Variants in MTHFS observed in about 807,000 individuals in gnomAD.
MTHFS encodes methenyltetrahydrofolate synthetase, also known as 5-formyltetrahydrofolate cyclo-ligase.
A neutral mutation model predicts 12.7 loss-of-function variants in MTHFS; 7 were observed. The ratio of observed to expected loss-of-function variants is 0.55; its 90% CI spans 0.31 to 1.03. The LOEUF (loss-of-function observed/expected upper bound fraction) is 1.03, where lower values mean the gene tolerates loss of function less well. MTHFS is among the 50% of genes least tolerant of loss of function. MTHFS has a pLI of 0.05. For synonymous variants in MTHFS, 100 were observed against 97.1 expected (o/e 1.03, Z -0.18); for missense variants, 252 against 258.1 (o/e 0.98, Z 0.16).
intron 2 of MTHFS, among the ~76,000 whole-genome samples, chr15:79,856,610 G>A (rs1257976395): frequency 6.6e-6 from 1 of 152,150 alleles, no homozygotes; most frequent in Non-Finnish European, 1.5e-5. Context: ...AGAGGCTGAA[G>A]AAAGGGGGGA....
intron 1 of MTHFS, among the ~76,000 whole-genome samples, chr15:79,889,783 T>C (rs2034443381): frequency 6.6e-6 from 1 of 152,188 alleles, no homozygotes; most frequent in South Asian, 2.1e-4. Flanking sequence ...GTCAGGCTTC[T>C]CTCTCCTCCC....
chr15:79,878,102 A>G (rs1596076264), intron 2 of MTHFS: 1 of 152,274 alleles, frequency 6.6e-6, no homozygotes, highest in Non-Finnish European at 1.5e-5. Context: ...GAAGGTAAAC[A>G]CAAAAGACTG....
At position 79,844,490 on chromosome 15, in the gene MTHFS, G is replaced by A. The variant is rs35083796; in HGVS notation, c.*720C>T. On this transcript the variant is annotated 3_prime_UTR_variant, in exon 3 of 3. Transcript: ENST00000258874. Reference sequence around the variant, plus strand: ...AAAATTATTGCTCCCTAGCTGTGTTGCCATCTGCCAACTTTCAACTCACAG... The same window carrying A: ...AAAATTATTGCTCCCTAGCTGTGTTACCATCTGCCAACTTTCAACTCACAG... Among the ~76,000 whole-genome samples the A allele has an allele frequency of 0.076, 11,531 of 152,062 alleles. 493 individuals carry two copies. The highest frequency in any genetic ancestry group is 0.09 in the Non-Finnish European group (6,115 of 67,992).
chr15:79,854,565 G>C (rs1281195284), intron 2 of MTHFS, among the ~76,000 whole-genome samples: 1 of 151,984 alleles, frequency 6.6e-6, no homozygotes, highest in Non-Finnish European at 1.5e-5. Context: ...ACCAAAATAT[G>C]GTTATTATCA....
At chr15:79,886,339 G>A (rs969746742) in intron 2 of MTHFS, among the ~76,000 whole-genome samples, 2 of 152,188 alleles carry the variant, frequency 1.3e-5, no homozygotes, top group African/African-American at 2.4e-5. Context: ...TACAGAGTGT[G>A]ATGTTAGGAG....
At chr15:79,871,815 T>G (rs1190724446) in intron 2 of MTHFS, among the ~76,000 whole-genome samples, 7 of 151,984 alleles carry the variant, frequency 4.6e-5, no homozygotes, top group Non-Finnish European at 8.8e-5. Context: ...AAATTAAAAT[T>G]TTTTACATAG....
intron 2 of MTHFS, among the ~76,000 whole-genome samples, chr15:79,874,255 C>A (rs1113983): frequency 0.42 from 64,281 of 151,532 alleles, 14,086 homozygotes; most frequent in East Asian, 0.54. Context: ...AAGGCTTACA[C>A]CAATCTAAAT....
intron 2 of MTHFS, among the ~76,000 whole-genome samples, chr15:79,860,196 T>C (rs2033886154): frequency 6.6e-6 from 1 of 152,154 alleles, no homozygotes; most frequent in Non-Finnish European, 1.5e-5. Context: ...GAGACCATCC[T>C]GGCTAACATG....
chr15:79,850,965 C>G (rs1000347575), intron 2 of MTHFS, among the ~76,000 whole-genome samples: 1 of 152,164 alleles, frequency 6.6e-6, no homozygotes, highest in African/African-American at 2.4e-5. Flanking sequence ...GTCCTGAACT[C>G]AGACTCCCTG....
chr15:79,851,652 C>T (rs1314166167), intron 2 of MTHFS, among the ~76,000 whole-genome samples: 1 of 152,140 alleles, frequency 6.6e-6, no homozygotes, highest in African/African-American at 2.4e-5. Flanking sequence ...GAACTATTAT[C>T]CCCATTTCAC....
chr15:79,894,156 G>A (rs1368554500), intron 1 of MTHFS, among the ~76,000 whole-genome samples: 2 of 152,200 alleles, frequency 1.3e-5, no homozygotes, highest in Admixed American at 1.3e-4. Context: ...AGGCAGAGGC[G>A]GGAAGATCAC....
chr15:79,869,140 C>A (rs553698658), intron 2 of MTHFS, among the ~76,000 whole-genome samples: 1 of 152,236 alleles, frequency 6.6e-6, no homozygotes, highest in South Asian at 2.1e-4. Flanking sequence ...AAAGCAGACT[C>A]TTGGCAAATG....
intron 2 of MTHFS, among the ~76,000 whole-genome samples, chr15:79,851,910 G>A (rs2141342751): frequency 6.6e-6 from 1 of 152,320 alleles, no homozygotes; most frequent in South Asian, 2.1e-4. Context: ...GGCTGCCTGG[G>A]TCTGAATCCA....
At chr15:79,888,579 G>C (rs78596754) in intron 2 of MTHFS, among the ~76,000 whole-genome samples, 2,346 of 152,262 alleles carry the variant, frequency 0.015, 71 homozygotes, top group African/African-American at 0.054. Flanking sequence ...GAGAGAAATG[G>C]ACAGATTCAG....
intron 2 of MTHFS, 60 bp from the exon 3 acceptor site, chr15:79,845,502 T>C (rs1199017926): frequency 1.3e-6 from 2 of 1,559,086 alleles, no homozygotes; most frequent in African/African-American, 1.4e-5. Flanking sequence ...CATTTCAGGA[T>C]GTGTTTTTTG....
intron 2 of MTHFS, among the ~76,000 whole-genome samples, chr15:79,882,412 C>T (rs2034310950): frequency 6.6e-6 from 1 of 152,138 alleles, no homozygotes; most frequent in South Asian, 2.1e-4. Flanking sequence ...AAAAACAAAC[C>T]CAGAGACTGG....
intron 2 of MTHFS, among the ~76,000 whole-genome samples, chr15:79,861,651 T>A (rs2033916012): frequency 6.6e-6 from 1 of 152,250 alleles, no homozygotes; most frequent in Non-Finnish European, 1.5e-5. Context: ...TGTTCTTTTT[T>A]ATTTTTATTT....
At chr15:79,886,278 A>G (rs959955490) in intron 2 of MTHFS, among the ~76,000 whole-genome samples, 9 of 152,242 alleles carry the variant, frequency 5.9e-5, no homozygotes, top group African/African-American at 2.2e-4. Flanking sequence ...TGTATGCTTA[A>G]GCACTGAAGT....
At chr15:79,885,951 A>C (rs934928518) in intron 2 of MTHFS, among the ~76,000 whole-genome samples, 6 of 152,252 alleles carry the variant, frequency 3.9e-5, no homozygotes, top group Non-Finnish European at 8.8e-5. Context: ...CGGTTGAATC[A>C]GACTATATAC....
Sources: allele counts gnomAD v4.1 joint callset (sites outside exome capture counted in the v4.1 genomes callset), GRCh38; gene constraint gnomAD v4.1.1; transcripts MANE v1.5; gene names NCBI Gene and HGNC (gene_info 2026-07-23, HGNC 2026-07-21).